Variants in LZTFL1 observed in about 807,000 individuals in gnomAD.
The protein encoded by LZTFL1 is leucine zipper transcription factor like 1, also known as leucine zipper transcription factor-like protein 1.
A neutral mutation model predicts 45.9 loss-of-function variants in LZTFL1; 25 were observed. The observed-to-expected ratio is 0.54, with a 90% confidence interval of 0.40 to 0.76. The LOEUF is 0.76. LZTFL1 is among the 30% of genes least tolerant of loss of function. LZTFL1 has a pLI of 0.00. For missense variants in LZTFL1, 277 were observed against 331.1 expected (o/e 0.84, Z 1.27); for synonymous variants, 93 against 117.4 (o/e 0.79, Z 1.35).
At chr3:45,851,561 C>T (rs1701310525) in intron 4 of LZTFL1, among the ~76,000 whole-genome samples, 1 of 152,090 alleles carries the variant, frequency 6.6e-6, no homozygotes, top group Admixed American at 6.6e-5. Context: ...TCTTCTAGCC[C>T]ATCAGTCCTT....
chr3:45,907,439 T>A (rs1388997219), intron 2 of LZTFL1, among the ~76,000 whole-genome samples: 1 of 152,238 alleles, frequency 6.6e-6, no homozygotes, highest in Non-Finnish European at 1.5e-5. Flanking sequence ...GGAACCTGTC[T>A]CTTCCTGCAT....
intron 2 of LZTFL1, among the ~76,000 whole-genome samples, chr3:45,880,553 G>C (rs867337372): frequency 6.6e-6 from 1 of 152,108 alleles, no homozygotes; most frequent in African/African-American, 2.4e-5. Flanking sequence ...CCTTTGGGTA[G>C]CTTTCTGTAC....
rs200200496 is a variant in LZTFL1 at position 45,901,074 on chromosome 3, C to A, written c.-215+12046G>T. The A allele has an allele frequency of 6.2e-7, 1 of 1,614,192 alleles. No homozygotes were observed. Among genetic ancestry groups the A allele is most frequent in the East Asian group, 2.2e-5 (1 of 44,882 alleles). ...TTTGAATTTGGCAATTGCTGACCTC[C>A]TCTTTCTTGTCACTCTTCCCTTCTG... On this transcript the variant is annotated intron_variant, in intron 2 of 4. Coordinates refer to the LZTFL1 transcript ENST00000472635. The surrounding 1 kb of genome is among the most constrained non-coding windows in gnomAD (Gnocchi z 4.3).
At chr3:45,909,004 G>A (rs192232693) in intron 2 of LZTFL1, among the ~76,000 whole-genome samples, 2 of 152,182 alleles carry the variant, frequency 1.3e-5, no homozygotes, top group African/African-American at 2.4e-5. Context: ...TATCAGTGGC[G>A]GCATTAGATT....
chr3:45,849,855 A>G (rs924794590), intron 4 of LZTFL1, among the ~76,000 whole-genome samples: 13 of 152,224 alleles, frequency 8.5e-5, no homozygotes, highest in African/African-American at 2.7e-4. Flanking sequence ...CTGAATATAA[A>G]CCAGAAGACA....
chr3:45,914,428 G>A (rs960547040), intron 1 of LZTFL1, among the ~76,000 whole-genome samples: 2 of 151,930 alleles, frequency 1.3e-5, no homozygotes, highest in South Asian at 2.1e-4. Context: ...GACTAGAGGC[G>A]CCTGGCTAAT....
At chr3:45,890,284 T>TTATATAAATAACATATA (rs1291015658) in intron 2 of LZTFL1, among the ~76,000 whole-genome samples, 4 of 81,878 alleles carry the variant, frequency 4.9e-5, no homozygotes, top group Admixed American at 1.7e-4. Context: ...ATATATATAT[T>TTATATAAATAACATATA]TATATAAATA....
At chr3:45,868,471 CT>C (rs1701614170) in intron 2 of LZTFL1, among the ~76,000 whole-genome samples, 1 of 152,134 alleles carries the variant, frequency 6.6e-6, no homozygotes. Flanking sequence ...TAGTGAGTTA[CT>C]CACATACACA....
intron 1 of LZTFL1, among the ~76,000 whole-genome samples, chr3:45,839,500 CTACTT>C (rs1479872288): frequency 6.6e-6 from 1 of 152,186 alleles, no homozygotes; most frequent in African/African-American, 2.4e-5. Context: ...AATGAACACT[CTACTT>C]TAGCCACACT....
At chr3:45,838,352 G>T (rs186526504) in intron 1 of LZTFL1, among the ~76,000 whole-genome samples, 1 of 152,154 alleles carries the variant, frequency 6.6e-6, no homozygotes, top group Non-Finnish European at 1.5e-5. Flanking sequence ...AAGAGGTGGC[G>T]ACTTGACTGA....
intron 2 of LZTFL1, among the ~76,000 whole-genome samples, chr3:45,837,071 T>G (rs2742365): frequency 0.075 from 11,447 of 152,282 alleles, 518 homozygotes; most frequent in Non-Finnish European, 0.088. Flanking sequence ...CCAGTTACAC[T>G]AAAGCATTAT....
chr3:45,856,198 A>C (rs1701391348), intron 3 of LZTFL1, among the ~76,000 whole-genome samples: 1 of 152,210 alleles, frequency 6.6e-6, no homozygotes, highest in African/African-American at 2.4e-5. Flanking sequence ...ACATCAACCA[A>C]TGGAACAGAA....
chr3:45,872,696 C>T (rs544107998), intron 2 of LZTFL1, among the ~76,000 whole-genome samples: 8 of 152,248 alleles, frequency 5.3e-5, no homozygotes, highest in African/African-American at 1.2e-4. Context: ...ATCAGGCTAG[C>T]GATGACTGGC....
chr3:45,871,711 C>T (rs776487029), intron 2 of LZTFL1, among the ~76,000 whole-genome samples: 3 of 151,854 alleles, frequency 2.0e-5, no homozygotes, highest in Non-Finnish European at 4.4e-5. Flanking sequence ...AACACCCACA[C>T]ACCTTTAGCA....
intron 2 of LZTFL1, among the ~76,000 whole-genome samples, chr3:45,893,076 A>G (rs1045794220): frequency 6.6e-6 from 1 of 152,014 alleles, no homozygotes; most frequent in Non-Finnish European, 1.5e-5. Context: ...GACAGTGAAC[A>G]TATTTATCCC....
chr3:45,840,922 TCTTA>T (rs766520544), intron 1 of LZTFL1, among the ~76,000 whole-genome samples: 5 of 152,278 alleles, frequency 3.3e-5, no homozygotes, highest in Non-Finnish European at 4.4e-5. Context: ...ACACGCATTA[TCTTA>T]CTTATCATAT....
In LZTFL1 at chr3:45,901,453, G is replaced by C; in HGVS notation, c.-215+11667C>G. 6.2e-7 allele frequency: 1 copy of C among 1,614,048 alleles called. No homozygotes were observed. Among genetic ancestry groups the C allele is most frequent in the African/African-American group, 1.3e-5 (1 of 74,988 alleles). ...GTCTTGACCCTGAAGGTCATTCTGG[G>C]GTTCTTCCTTCCCTTCGTGGTCATG... On this transcript the variant is annotated intron_variant, in intron 2 of 4. Coordinates refer to the LZTFL1 transcript ENST00000472635. This position sits in a 1 kb window ranked among gnomAD's most constrained non-coding sequence, Gnocchi z 4.3.
chr3:45,895,185 G>A, intron 2 of LZTFL1: 3 of 565,516 alleles, frequency 5.3e-6, no homozygotes, highest in Admixed American at 6.4e-5. Context: ...AGAGGAAAAT[G>A]TGGTGTTATA....
chr3:45,887,831 C>G (rs1304956997), intron 2 of LZTFL1, among the ~76,000 whole-genome samples: 1 of 152,170 alleles, frequency 6.6e-6, no homozygotes, highest in African/African-American at 2.4e-5. Context: ...GTGGATGGAT[C>G]TGATAGATGG....
Sources: allele counts gnomAD v4.1 joint callset (sites outside exome capture counted in the v4.1 genomes callset), GRCh38; gene constraint gnomAD v4.1.1; non-coding constraint Gnocchi (gnomAD v3.1); transcripts MANE v1.5; gene names NCBI Gene and HGNC (gene_info 2026-07-23, HGNC 2026-07-21).